ULK4: variants seen among roughly 807,000 people sequenced by gnomAD.
ULK4 encodes the protein unc-51 like kinase 4, also known as inactive serine/threonine-protein kinase ULK4.
A neutral mutation model predicts 160.6 loss-of-function variants in ULK4; 133 were observed. That is an observed-to-expected ratio of 0.83 (90% CI 0.72 to 0.96). ULK4 has a LOEUF of 0.96. Ranked by LOEUF, ULK4 falls within the 40% of genes least tolerant of loss-of-function variation. The pLI is 0.00. For missense variants in ULK4, 1,580 were observed against 1,499.5 expected (o/e 1.05, Z -0.89); for synonymous variants, 534 against 539.8 (o/e 0.99, Z 0.15).
At chr3:41,398,416 C>G in intron 34 of ULK4, 152 bp from the exon 35 acceptor site, 1 of 731,448 alleles carries the variant, frequency 1.4e-6, no homozygotes, top group Non-Finnish European at 2.2e-6. Context: ...CAGGGTCCCA[C>G]TCTGTTGCCC....
At chr3:41,570,914 G>A (rs1054558509) in intron 31 of ULK4, among the ~76,000 whole-genome samples, 1 of 152,042 alleles carries the variant, frequency 6.6e-6, no homozygotes, top group African/African-American at 2.4e-5. Context: ...TAAAACTAAG[G>A]TACACTCTGA....
intron 18 of ULK4, among the ~76,000 whole-genome samples, chr3:41,831,697 C>G (rs2041595690): frequency 6.6e-6 from 1 of 151,998 alleles, no homozygotes; most frequent in Admixed American, 6.6e-5. Context: ...TCTCCCTCCC[C>G]TTGCTCCCCA....
chr3:41,643,161 A>C (rs1323919295), intron 30 of ULK4, among the ~76,000 whole-genome samples: 1 of 152,066 alleles, frequency 6.6e-6, no homozygotes, highest in Non-Finnish European at 1.5e-5. Context: ...CTCTGACGGT[A>C]GTTTCTTTTG....
chr3:41,624,921 A>C (rs2033427840), intron 30 of ULK4, among the ~76,000 whole-genome samples: 1 of 152,114 alleles, frequency 6.6e-6, no homozygotes. Context: ...TTTGCTAGAC[A>C]TCAAGGTGGA....
chr3:41,450,330 G>C (rs946996551), intron 34 of ULK4, among the ~76,000 whole-genome samples: 2 of 152,146 alleles, frequency 1.3e-5, no homozygotes, highest in African/African-American at 2.4e-5. Flanking sequence ...AGAACTGCGT[G>C]AACTCTGCAC....
At chr3:41,774,812 T>C (rs2039540972) in intron 21 of ULK4, among the ~76,000 whole-genome samples, 1 of 150,498 alleles carries the variant, frequency 6.6e-6, no homozygotes, top group Non-Finnish European at 1.5e-5. Context: ...AGCAAAAACT[T>C]GGAACCAACC....
intron 19 of ULK4, among the ~76,000 whole-genome samples, chr3:41,818,179 G>A (rs1219859571): frequency 1.3e-5 from 2 of 151,194 alleles, no homozygotes; most frequent in African/African-American, 4.9e-5. Flanking sequence ...CCACTGCTGG[G>A]TATATATGCT....
intron 29 of ULK4, among the ~76,000 whole-genome samples, chr3:41,675,460 C>T (rs368232091): frequency 1.3e-5 from 2 of 151,812 alleles, no homozygotes; most frequent in African/African-American, 4.8e-5. Context: ...TGTGGTGGTA[C>T]ATGCCTGCAG....
Position 41,322,110 on chromosome 3 carries a change from C to T in ULK4, c.3679-72536G>A, listed in dbSNP as rs1267767413. 6.9e-5 allele frequency among the ~76,000 whole-genome samples: 10 copies of T among 144,574 alleles called. 2 individuals are homozygous for T. Among genetic ancestry groups the T allele is most frequent in the African/African-American group, 2.2e-4 (8 of 37,050 alleles). The allele number at this position is 144,574 out of a possible 152,430, so 94.8% of individuals were successfully genotyped here. A position where few individuals can be genotyped will look rare whatever the true frequency, so the allele number is the denominator to read the frequency against. On this transcript the variant is annotated intron_variant, in intron 35 of 36. Transcript: ENST00000301831. ...GCAGTGGCGCGATCTCGGCTCACTA[C>T]AACCTCCACCTCCTGGGTTCAAGCA...
chr3:41,418,131 T>C (rs942297018), intron 34 of ULK4, among the ~76,000 whole-genome samples: 18 of 152,144 alleles, frequency 1.2e-4, no homozygotes, highest in African/African-American at 4.3e-4. Flanking sequence ...AACTATAAGT[T>C]GACCCTTGAA....
chr3:41,628,117 T>C (rs1176501326), intron 30 of ULK4, among the ~76,000 whole-genome samples: 1 of 152,182 alleles, frequency 6.6e-6, no homozygotes, highest in Non-Finnish European at 1.5e-5. Context: ...GGAAGAAGTG[T>C]AGTCTAGAAC....
At chr3:41,857,255 A>T (rs1031696716) in intron 17 of ULK4, among the ~76,000 whole-genome samples, 1 of 152,084 alleles carries the variant, frequency 6.6e-6, no homozygotes. Context: ...ATGACACTTC[A>T]TATCTCCTCC....
chr3:41,387,053 A>C (rs2081830438), intron 35 of ULK4, among the ~76,000 whole-genome samples: 1 of 152,158 alleles, frequency 6.6e-6, no homozygotes, highest in South Asian at 2.1e-4. Context: ...TCAGGGAATT[A>C]TGTAAAAATT....
chr3:41,735,818 T>G (rs1026628782), intron 22 of ULK4, among the ~76,000 whole-genome samples: 10 of 150,282 alleles, frequency 6.7e-5, no homozygotes, highest in Non-Finnish European at 1.3e-4. Context: ...ATTAGGTATA[T>G]CCCCTAATGC....
chr3:41,834,036 A>G (rs2041680574), intron 18 of ULK4, among the ~76,000 whole-genome samples: 1 of 151,260 alleles, frequency 6.6e-6, no homozygotes, highest in Non-Finnish European at 1.5e-5. Flanking sequence ...AAGAAATTAT[A>G]TTTGTATTTT....
chr3:41,785,034 T>G (rs1172484085), intron 21 of ULK4, among the ~76,000 whole-genome samples: 2 of 152,218 alleles, frequency 1.3e-5, no homozygotes, highest in Non-Finnish European at 2.9e-5. Context: ...GGTACCCACA[T>G]AATCTACCTT....
chr3:41,780,814 C>T (rs185939231), intron 21 of ULK4, among the ~76,000 whole-genome samples: 184 of 152,240 alleles, frequency 1.2e-3, no homozygotes, highest in Admixed American at 2.2e-3. Flanking sequence ...CAATCAGGGG[C>T]CATTTTAACC....
At chr3:41,602,131 G>A (rs2032106249) in intron 31 of ULK4, among the ~76,000 whole-genome samples, 1 of 151,896 alleles carries the variant, frequency 6.6e-6, no homozygotes, top group Non-Finnish European at 1.5e-5. Context: ...AGGAATTTGG[G>A]ATTACAGTGA....
intron 17 of ULK4, among the ~76,000 whole-genome samples, chr3:41,861,014 A>G (rs2042487411): frequency 6.6e-6 from 1 of 152,230 alleles, no homozygotes; most frequent in Non-Finnish European, 1.5e-5. Context: ...ACAAACAAGG[A>G]AAAAGAAAAC....
Sources: gnomAD v4.1 joint callset for allele counts (sites outside exome capture counted in the v4.1 genomes callset) on GRCh38, gnomAD v4.1.1 for gene constraint, MANE v1.5 for transcripts, NCBI Gene and HGNC (gene_info 2026-07-23, HGNC 2026-07-21) for gene names.